The following MNS1 variants were observed in gnomAD, a reference collection of about 807,000 sequenced individuals.
MNS1 encodes the protein meiosis-specific nuclear structural protein 1.
A neutral mutation model predicts 72.0 loss-of-function variants in MNS1; 63 were observed. The ratio of observed to expected loss-of-function variants is 0.87; its 90% CI spans 0.71 to 1.08. The LOEUF (loss-of-function observed/expected upper bound fraction) is 1.08, where lower values mean the gene tolerates loss of function less well. Ranked by LOEUF, MNS1 falls within the 50% of genes least tolerant of loss-of-function variation. The probability of loss-of-function intolerance (pLI) is 0.00; values close to 1 mark genes in which losing one functional copy is unlikely to be tolerated. For missense variants in MNS1, 604 were observed against 562.4 expected (o/e 1.07, Z -0.75); for synonymous variants, 188 against 172.1 (o/e 1.09, Z -0.72).
At position 56,443,640 on chromosome 15, in the gene MNS1, C is replaced by T; in HGVS notation, c.901G>A (p.Ala301Thr). Residue 301 changes from alanine (A) to threonine (T), a missense_variant and splice_region_variant, in exon 6 of 10, where the codon GCG becomes ACG. Transcript: ENST00000260453. ...TAAAGAAGTGGTTATTTTAATACCG[C>T]ATTCTGAAGCTGTAGCCTTTTCTCC... Reference protein sequence around the residue: ...NEEKRLQLQNALTQKLEEMLR... With the variant: ...NEEKRLQLQNTLTQKLEEMLR... 1 of 1,610,996 alleles carries T rather than the reference C, an allele frequency of 6.2e-7. No individual in the cohort carries two copies. Among genetic ancestry groups the T allele is most frequent in the Non-Finnish European group, 8.5e-7 (1 of 1,178,794 alleles).
intron 8 of MNS1, 116 bp from the exon 9 acceptor site, chr15:56,431,614 A>G (rs1162679444): frequency 5.9e-6 from 5 of 843,388 alleles, no homozygotes; most frequent in Non-Finnish European, 8.9e-6. Context: ...TTATGACACT[A>G]AGTTCAAAAG....
intron 2 of MNS1, among the ~76,000 whole-genome samples, chr15:56,463,262 G>A (rs2051034061): frequency 6.6e-6 from 1 of 151,760 alleles, no homozygotes; most frequent in Admixed American, 6.6e-5. Flanking sequence ...ATTTTTTAAA[G>A]GCACCCCTAA....
chr15:56,447,105 C>T (rs1454017050), intron 3 of MNS1, 162 bp from the exon 4 acceptor site: 1 of 563,446 alleles, frequency 1.8e-6, no homozygotes, highest in East Asian at 3.0e-5. Context: ...TAATGGATGC[C>T]TTTAGGGCAT....
intron 3 of MNS1, among the ~76,000 whole-genome samples, chr15:56,453,595 CAT>C (rs146397971): frequency 0.029 from 4,388 of 152,198 alleles, 234 homozygotes; most frequent in African/African-American, 0.099. Flanking sequence ...CTTTTGCTTT[CAT>C]AACAGTATGT....
chr15:56,461,942 C>T (rs1278495117), intron 2 of MNS1, among the ~76,000 whole-genome samples: 1 of 147,290 alleles, frequency 6.8e-6, no homozygotes. Flanking sequence ...GAATAAATAA[C>T]CCTAGTCAAT....
chr15:56,450,243 A>AT (rs1457420780), intron 3 of MNS1, among the ~76,000 whole-genome samples: 5 of 152,082 alleles, frequency 3.3e-5, no homozygotes, highest in Non-Finnish European at 7.4e-5. Context: ...GTCCTATAAC[A>AT]TTTTTTATCA....
intron 3 of MNS1, among the ~76,000 whole-genome samples, chr15:56,453,788 T>C (rs1368875830): frequency 6.6e-6 from 1 of 152,170 alleles, no homozygotes; most frequent in Non-Finnish European, 1.5e-5. Flanking sequence ...AAACCATGTG[T>C]TCCAAAATCA....
chr15:56,458,007 G>A (rs1410124233), intron 2 of MNS1, among the ~76,000 whole-genome samples: 1 of 152,006 alleles, frequency 6.6e-6, no homozygotes, highest in East Asian at 1.9e-4. Flanking sequence ...ATAAACTGTG[G>A]TACATCCATA....
chr15:56,455,030 T>A (rs1437234111), intron 3 of MNS1, among the ~76,000 whole-genome samples: 1 of 152,154 alleles, frequency 6.6e-6, no homozygotes, highest in Non-Finnish European at 1.5e-5. Context: ...TTGTTTGGAA[T>A]CAGCAGAAAC....
chr15:56,451,043 G>A (rs1228563407), intron 3 of MNS1, among the ~76,000 whole-genome samples: 3 of 152,112 alleles, frequency 2.0e-5, no homozygotes, highest in Admixed American at 6.5e-5. Flanking sequence ...TTAGAGAAAC[G>A]TCTAAGTTCT....
chr15:56,431,335 G>A (rs2050589467), intron 9 of MNS1, 38 bp downstream of exon 9: 2 of 1,602,054 alleles, frequency 1.2e-6, no homozygotes. Context: ...CACTATTACA[G>A]GTCATGAAGA....
chr15:56,438,286 G>C (rs1355237944), intron 7 of MNS1, among the ~76,000 whole-genome samples: 3 of 151,972 alleles, frequency 2.0e-5, no homozygotes, highest in Non-Finnish European at 4.4e-5. Flanking sequence ...CAATGGAACA[G>C]AACAGAGCCC....
At chr15:56,457,111 A>G (rs758461596) in intron 2 of MNS1, among the ~76,000 whole-genome samples, 2 of 152,156 alleles carry the variant, frequency 1.3e-5, no homozygotes, top group Non-Finnish European at 2.9e-5. Context: ...AGTCTCTTAT[A>G]TATTCTGTAA....
chr15:56,430,625 C>G (rs1468157783), intron 9 of MNS1, among the ~76,000 whole-genome samples: 1 of 152,226 alleles, frequency 6.6e-6, no homozygotes, highest in Non-Finnish European at 1.5e-5. Flanking sequence ...GCAGATCTGT[C>G]TCAAGCTCAG....
At chr15:56,446,479 T>C (rs1339459690) in intron 4 of MNS1, among the ~76,000 whole-genome samples, 8 of 151,970 alleles carry the variant, frequency 5.3e-5, no homozygotes, top group African/African-American at 1.9e-4. Context: ...AATTATCAAG[T>C]AGTTTACTCT....
intron 2 of MNS1, among the ~76,000 whole-genome samples, chr15:56,462,537 G>A (rs2051030152): frequency 6.6e-6 from 1 of 152,184 alleles, no homozygotes; most frequent in African/African-American, 2.4e-5. Context: ...AAAGGAACAT[G>A]AGGAAGCAAA....
chr15:56,463,109 T>C (rs891412695), intron 2 of MNS1, among the ~76,000 whole-genome samples: 1 of 152,192 alleles, frequency 6.6e-6, no homozygotes, highest in Non-Finnish European at 1.5e-5. Flanking sequence ...AGAATACCTT[T>C]TATATATTTA....
chr15:56,433,388 T>A (rs2050651830), intron 8 of MNS1, among the ~76,000 whole-genome samples: 1 of 149,236 alleles, frequency 6.7e-6, no homozygotes, highest in South Asian at 2.2e-4. Context: ...GTAACAAACC[T>A]GCATGTTCTG....
At chr15:56,442,277 GT>G (rs747758410) in intron 7 of MNS1, among the ~76,000 whole-genome samples, 5 of 152,172 alleles carry the variant, frequency 3.3e-5, no homozygotes, top group Non-Finnish European at 5.9e-5. Flanking sequence ...TACACTGTTG[GT>G]GGGAATGTAA....
Sources: allele counts gnomAD v4.1 joint callset (sites outside exome capture counted in the v4.1 genomes callset), GRCh38; gene constraint gnomAD v4.1.1; transcripts MANE v1.5; gene names NCBI Gene and HGNC (gene_info 2026-07-23, HGNC 2026-07-21).